The following RRP12 variants were observed in gnomAD, a reference collection of about 807,000 sequenced individuals.
RRP12 encodes RRP12-like protein.
Under a neutral mutation model 157.3 loss-of-function variants are expected in RRP12, and 78 were observed. The observed-to-expected ratio is 0.50, with a 90% CI of 0.41 to 0.60. The LOEUF (loss-of-function observed/expected upper bound fraction) is 0.60. RRP12 is among the 20% of genes least tolerant of loss of function. The probability of loss-of-function intolerance (pLI) is 0.00; values close to 1 mark genes in which losing one functional copy is unlikely to be tolerated. For synonymous variants in RRP12, 726 were observed against 670.9 expected, an observed-to-expected ratio of 1.08 and a Z score of -1.27; for missense variants, 1,521 against 1,679.9, an observed-to-expected ratio of 0.91 and a Z score of 1.65.
chr10:97,374,466 G>A (rs534537579), intron 15 of RRP12, among the ~76,000 whole-genome samples: 12 of 150,022 alleles, frequency 8.0e-5, no homozygotes, highest in Non-Finnish European at 1.3e-4. Flanking sequence ...CCAGCCACAT[G>A]CCCACTTTGT....
Position 97,366,727 on chromosome 10 carries a change from C to T in RRP12, c.3215+15G>A. 6.2e-7 allele frequency: 1 copy of T among 1,610,804 alleles called. No individual in the cohort carries two copies. The highest frequency in any genetic ancestry group is 1.1e-5 in the South Asian group (1 of 90,764). On this transcript the variant is annotated intron_variant, in intron 27 of 33. Coordinates refer to ENST00000370992, the MANE Select transcript of RRP12 (RefSeq NM_015179.4). Reference sequence around the variant, plus strand: ...TGGGGGGACACCGGGTCCCATGGCCCTAACATGGTCTCACCTGTCACCTTT... The same window carrying T: ...TGGGGGGACACCGGGTCCCATGGCCTTAACATGGTCTCACCTGTCACCTTT...
intron 2 of RRP12, among the ~76,000 whole-genome samples, chr10:97,398,894 T>A (rs1212508596): frequency 6.6e-6 from 1 of 152,172 alleles, no homozygotes; most frequent in Non-Finnish European, 1.5e-5. Flanking sequence ...CTTGGTATCA[T>A]AAAAATAATG....
chr10:97,360,688 A>G, intron 30 of RRP12, 70 bp from the exon 31 acceptor site: 1 of 1,120,318 alleles, frequency 8.9e-7, no homozygotes, highest in Non-Finnish European at 1.4e-6. Flanking sequence ...TGCCAACAGT[A>G]ACAGCAGAGT....
At chr10:97,399,129 C>T (rs1192455705) in intron 2 of RRP12, among the ~76,000 whole-genome samples, 1 of 151,878 alleles carries the variant, frequency 6.6e-6, no homozygotes, top group Non-Finnish European at 1.5e-5. Context: ...GAAAATTAGC[C>T]GGGCATGGTG....
rs1338552247 is a variant in RRP12 at position 97,381,804 on chromosome 10, C to T, written c.1231G>A (p.Gly411Ser). Residue 411 changes from glycine (G) to serine (S), a missense_variant, in exon 11 of 34, where the codon GGC becomes AGC. Transcript: ENST00000370992. Reference sequence around the variant, plus strand: ...GTTCCAAAAAAGCGAGGGAGGTGGCCTAGCCCCAGGTCCCACTGCAACCTG... The same window carrying T: ...GTTCCAAAAAAGCGAGGGAGGTGGCTTAGCCCCAGGTCCCACTGCAACCTG... The part of the protein sequence containing the change: ...LVRLQWDLGL[G>S]HLPRFFGTAV... 6.2e-7 allele frequency: 1 copy of T among 1,614,078 alleles called. No homozygotes were observed. The highest frequency in any genetic ancestry group is 1.1e-5 in the South Asian group (1 of 91,072).
chr10:97,388,140 AG>A, intron 8 of RRP12, 111 bp downstream of exon 8: 1 of 1,431,992 alleles, frequency 7.0e-7, no homozygotes, highest in Non-Finnish European at 9.6e-7. Flanking sequence ...TTTTAGCTTA[AG>A]AACACAGTCA....
chr10:97,400,531 C>T lies in RRP12; in HGVS notation c.143G>A (p.Arg48Lys). Residue 48 changes from arginine (R) to lysine (K), a missense_variant, in exon 2 of 34, where the codon AGG (arginine) becomes AAG (lysine). Transcript: ENST00000370992. ...CACAGCATCGACTGTCAGGTCACTCCTTCCTGAGAGCCAGAGGCACAAGAT... is the reference window on the plus strand; with the variant it reads ...CACAGCATCGACTGTCAGGTCACTCTTTCCTGAGAGCCAGAGGCACAAGAT... ...RSRFFSRPSGRSDLTVDAVKL... is the reference protein window; with the variant it reads ...RSRFFSRPSGKSDLTVDAVKL... The T allele has an allele frequency of 6.2e-7, 1 of 1,612,640 alleles. No individual in the cohort carries two copies. The highest frequency in any genetic ancestry group is 8.5e-7 in the Non-Finnish European group (1 of 1,179,092).
In RRP12 at chr10:97,390,817, C is replaced by A; in HGVS notation, c.558G>T (p.Lys186Asn). ...TGAAGGCTTTGGAGGTATCAGAGAA[C>A]TTCTTAATAAGCACAGGGCTGGGAA... ...KRVPSPVLIKKFSDTSKAFMD... is the reference protein window; with the variant it reads ...KRVPSPVLIKNFSDTSKAFMD... The change falls in exon 5 of 34, where the codon AAG becomes AAT. Residue 186 changes from lysine (K) to asparagine (N), a missense_variant. Coordinates refer to ENST00000370992, the MANE Select transcript of RRP12 (RefSeq NM_015179.4). The A allele has an allele frequency of 6.2e-7, 1 of 1,613,438 alleles. No individual in the cohort carries two copies. Among genetic ancestry groups the A allele is most frequent in the South Asian group, 1.1e-5 (1 of 91,070 alleles).
Position 97,371,971 on chromosome 10 carries a change from G to A in RRP12, c.2343+102C>T, listed in dbSNP as rs1844167961. Reference sequence around the variant, plus strand: ...AGAAAGCAGACAGGGACCTGATCTCGGGAAGCAGCAAGGGACAAAGACATG... The same window carrying A: ...AGAAAGCAGACAGGGACCTGATCTCAGGAAGCAGCAAGGGACAAAGACATG... On this transcript the variant is annotated intron_variant, in intron 20 of 33. Coordinates refer to ENST00000370992, the MANE Select transcript of RRP12 (RefSeq NM_015179.4). The A allele has an allele frequency of 9.5e-6, 7 of 736,172 alleles. No individual in the cohort carries two copies. In the Admixed American group the frequency reaches 1.0e-4, roughly 11 times the overall value. The allele number at this position is 736,172 out of a possible 1,614,324, so 45.6% of individuals were successfully genotyped here. A position where few individuals can be genotyped will look rare whatever the true frequency, so the allele number is the denominator to read the frequency against.
intron 8 of RRP12, among the ~76,000 whole-genome samples, chr10:97,386,925 G>A (rs934017328): frequency 1.6e-4 from 25 of 152,088 alleles, no homozygotes; most frequent in Non-Finnish European, 2.8e-4. Flanking sequence ...GGAAGGCGGA[G>A]TTTGCAGTGA....
At chr10:97,374,659 C>A (rs1224061806) in intron 15 of RRP12, among the ~76,000 whole-genome samples, 1 of 151,442 alleles carries the variant, frequency 6.6e-6, no homozygotes, top group Non-Finnish European at 1.5e-5. Context: ...GTAGTCCCAG[C>A]TACTCGGGAG....
At chr10:97,364,590 G>T (rs1189414547) in intron 29 of RRP12, among the ~76,000 whole-genome samples, 2 of 152,228 alleles carry the variant, frequency 1.3e-5, no homozygotes, top group African/African-American at 4.8e-5. Flanking sequence ...GGTGGCGCAC[G>T]CCTGTAGTCC....
At chr10:97,397,723 G>T (rs1222727930) in intron 2 of RRP12, among the ~76,000 whole-genome samples, 1 of 151,248 alleles carries the variant, frequency 6.6e-6, no homozygotes, top group East Asian at 2.0e-4. Context: ...ACTTTGGGAG[G>T]CTCAGGTGGG....
Position 97,373,195 on chromosome 10 carries a change from C to T in RRP12, c.2032G>A (p.Asp678Asn), listed in dbSNP as rs1813652245. The change falls in exon 18 of 34, where the codon GAC (aspartate) becomes AAC (asparagine). Residue 678 changes from aspartate (D) to asparagine (N), a missense_variant. Asp to Asn is a conservative substitution (Grantham distance 23). Coordinates refer to ENST00000370992, the MANE Select transcript of RRP12 (RefSeq NM_015179.4). ...GCAAAGCGACTCACTTCAGCACGGT[C>T]AGCCTCTGGTAAAAGGATCAAAGTT... ...LITKGCQAEA[D>N]RAEVSRFAKN... 2.5e-6 allele frequency: 4 copies of T among 1,614,040 alleles called. No individual in the cohort carries two copies. The highest frequency in any genetic ancestry group is 2.2e-5 in the East Asian group (1 of 44,888).
chr10:97,380,986 C>T (rs2133068296), intron 12 of RRP12, 73 bp from the exon 13 acceptor site: 1 of 1,232,612 alleles, frequency 8.1e-7, no homozygotes, highest in Non-Finnish European at 1.2e-6. Context: ...AGTCAACGGC[C>T]AGCACCCTGA....
chr10:97,392,814 C>T (rs1844846315), intron 4 of RRP12, among the ~76,000 whole-genome samples: 1 of 151,974 alleles, frequency 6.6e-6, no homozygotes, highest in African/African-American at 2.4e-5. Context: ...GCCTCAGCCT[C>T]CCGAGTAGCT....
intron 13 of RRP12, 64 bp from the exon 14 acceptor site, chr10:97,379,834 C>A: frequency 6.6e-7 from 1 of 1,509,894 alleles, no homozygotes; most frequent in South Asian, 1.3e-5. Context: ...ATGACAAGAC[C>A]CCGCTGAACG....
intron 3 of RRP12, among the ~76,000 whole-genome samples, chr10:97,396,002 TA>T (rs1052128356): frequency 6.6e-6 from 1 of 151,602 alleles, no homozygotes; most frequent in South Asian, 2.1e-4. Context: ...CCTGTCTCTT[TA>T]AAAAAAAGAA....
Position 97,379,681 on chromosome 10 carries a change from A to G in RRP12, c.1623T>C (p.Ser541=). 6.2e-7 allele frequency: 1 copy of G among 1,613,974 alleles called. No homozygotes were observed. The highest frequency in any genetic ancestry group is 8.5e-7 in the Non-Finnish European group (1 of 1,179,998). ...CCTGCAGCACCACCTCAGGTCCCAT[A>G]CTGGTCACCGCAGCCCCCACTGCCT... ...LDQAVGAAVT[S]MGPEVVLQAV... is the part of the protein sequence containing the mutation. Residue 541 remains serine (S), a synonymous_variant, in exon 14 of 34, where the codon AGT becomes AGC. Transcript: ENST00000370992.
Sources: gnomAD v4.1 joint callset for allele counts (sites outside exome capture counted in the v4.1 genomes callset) on GRCh38, gnomAD v4.1.1 for gene constraint, MANE v1.5 for transcripts, NCBI Gene and HGNC (gene_info 2026-07-23, HGNC 2026-07-21) for gene names.